Variants in ASTN1 observed in about 807,000 individuals in gnomAD.
ASTN1 encodes the protein astrotactin-1.
ASTN1 carries 41 observed loss-of-function variants against 140.7 expected under a neutral mutation model. The ratio of observed to expected loss-of-function variants is 0.29; its 90% CI spans 0.23 to 0.38. ASTN1 has a LOEUF of 0.38. Among genes scored for constraint, ASTN1 ranks in the 10% least tolerant of loss-of-function variants. The pLI is 1.00. For missense variants in ASTN1, 1,479 were observed against 1,678.8 expected, an observed-to-expected ratio of 0.88 and a Z score of 2.08; for synonymous variants, 640 against 652.2, an observed-to-expected ratio of 0.98 and a Z score of 0.29.
At chr1:177,015,526 T>A (rs1380137807) in intron 7 of ASTN1, among the ~76,000 whole-genome samples, 1 of 152,212 alleles carries the variant, frequency 6.6e-6, no homozygotes, top group African/African-American at 2.4e-5. Flanking sequence ...GTTTTAGCTT[T>A]TAAGTAAAAA....
At chr1:177,123,859 A>G (rs761741494) in intron 1 of ASTN1, among the ~76,000 whole-genome samples, 21 of 152,228 alleles carry the variant, frequency 1.4e-4, no homozygotes, top group Non-Finnish European at 5.9e-5. Flanking sequence ...CCCAGGCAGG[A>G]AGCCGAATTC....
intron 8 of ASTN1, among the ~76,000 whole-genome samples, chr1:176,973,798 C>T (rs1055568023): frequency 6.6e-6 from 1 of 152,308 alleles, no homozygotes; most frequent in East Asian, 1.9e-4. Context: ...AGTAATTAGG[C>T]ATGAACAGTT....
In ASTN1 at chr1:177,095,799, C is replaced by T. The variant is rs141716523; in HGVS notation, c.284-34534G>A. Among the ~76,000 whole-genome samples, 747 of 152,280 alleles carry T rather than the reference C, an allele frequency of 4.9e-3. 13 individuals carry two copies. The highest frequency in any genetic ancestry group is 0.017 in the African/African-American group (700 of 41,566). ...CTATGGGGCAGGGCCACCCTTGCAA[C>T]TCCAGACCAGTAGAGACACTAGATT... On this transcript the variant is annotated intron_variant, in intron 1 of 22. Coordinates refer to ENST00000361833, the MANE Select transcript of ASTN1 (RefSeq NM_004319.3).
intron 16 of ASTN1, among the ~76,000 whole-genome samples, chr1:176,924,241 T>C (rs1670858660): frequency 6.6e-6 from 1 of 152,210 alleles, no homozygotes; most frequent in Non-Finnish European, 1.5e-5. Context: ...AGCAATTATC[T>C]CCTATAGGTC....
At chr1:177,048,160 C>T (rs907798430) in intron 2 of ASTN1, among the ~76,000 whole-genome samples, 1 of 152,158 alleles carries the variant, frequency 6.6e-6, no homozygotes, top group Non-Finnish European at 1.5e-5. Context: ...AAAGGGCGGC[C>T]GCCAGAGGGG....
At chr1:177,033,583 T>C (rs1299642450) in intron 2 of ASTN1, among the ~76,000 whole-genome samples, 7 of 152,144 alleles carry the variant, frequency 4.6e-5, no homozygotes, top group Admixed American at 4.6e-4. Flanking sequence ...TACCACCAAG[T>C]GTGGGGAGGA....
intron 5 of ASTN1, 91 bp downstream of exon 5, chr1:177,029,543 G>T: frequency 7.5e-7 from 1 of 1,328,096 alleles, no homozygotes; most frequent in Non-Finnish European, 1.1e-6. Context: ...GTTCCATAGA[G>T]CCCACAACCC....
chr1:176,857,617 A>G (rs373621637), downstream of ASTN1: 4 of 620,414 alleles, frequency 6.4e-6, no homozygotes, highest in African/African-American at 1.9e-5. Context: ...CCAATCATCT[A>G]CAACTCCTCT....
chr1:176,876,713 G>A, intron 20 of ASTN1, 76 bp from the exon 21 acceptor site: 1 of 1,408,656 alleles, frequency 7.1e-7, no homozygotes, highest in Admixed American at 1.9e-5. Flanking sequence ...CTAGCTCATG[G>A]CCCAGCTCTG....
At chr1:176,937,156 T>C (rs1184049690) in intron 14 of ASTN1, among the ~76,000 whole-genome samples, 1 of 152,200 alleles carries the variant, frequency 6.6e-6, no homozygotes, top group Non-Finnish European at 1.5e-5. Flanking sequence ...CTCTCTTTAA[T>C]GGTTGCAGTA....
intron 17 of ASTN1, among the ~76,000 whole-genome samples, chr1:176,889,760 G>C (rs1230577631): frequency 6.6e-6 from 1 of 152,158 alleles, no homozygotes; most frequent in African/African-American, 2.4e-5. Flanking sequence ...TGGTTATCAT[G>C]ATTTACAGTG....
Position 176,944,010 on chromosome 1 carries a change from T to C in ASTN1, c.2258A>G (p.Asn753Ser). The C allele has an allele frequency of 1.9e-6, 3 of 1,613,812 alleles. No homozygotes were observed. Among genetic ancestry groups the C allele is most frequent in the Non-Finnish European group, 2.5e-6 (3 of 1,179,934 alleles). Reference sequence around the variant, plus strand: ...TTGCTGGTCTAAACCACGAGCAAAGTTGTTTTGCCTAGAAAGAGGGTAGAC... The same window carrying C: ...TTGCTGGTCTAAACCACGAGCAAAGCTGTTTTGCCTAGAAAGAGGGTAGAC... ...QVLKGTFRQNNFARGLDQQLP... is the reference protein window; with the variant it reads ...QVLKGTFRQNSFARGLDQQLP... Residue 753 changes from asparagine (N) to serine (S), a missense_variant, in exon 14 of 23, where the codon AAC becomes AGC. Transcript: ENST00000361833.
intron 2 of ASTN1, among the ~76,000 whole-genome samples, chr1:177,046,516 C>T (rs910312017): frequency 2.5e-4 from 38 of 152,264 alleles, no homozygotes; most frequent in African/African-American, 8.4e-4. Context: ...CCTGGACATT[C>T]GGGCTCTGGG....
intron 8 of ASTN1, among the ~76,000 whole-genome samples, chr1:176,985,684 T>C (rs1224728306): frequency 6.6e-6 from 1 of 152,146 alleles, no homozygotes; most frequent in African/African-American, 2.4e-5. Flanking sequence ...CAGTCCCAGA[T>C]GCTAAAAGCC....
intron 8 of ASTN1, among the ~76,000 whole-genome samples, chr1:176,980,124 G>T (rs765759159): frequency 2.0e-5 from 3 of 152,148 alleles, no homozygotes; most frequent in Non-Finnish European, 4.4e-5. Flanking sequence ...GTGGCTGACT[G>T]GGGGGCAAAG....
At chr1:176,967,216 C>T (rs1352399079) in intron 8 of ASTN1, among the ~76,000 whole-genome samples, 2 of 152,122 alleles carry the variant, frequency 1.3e-5, no homozygotes, top group African/African-American at 4.8e-5. Flanking sequence ...CTGTGAATAA[C>T]TCTTGCATCA....
At chr1:176,997,893 A>T (rs1336198834) in intron 8 of ASTN1, among the ~76,000 whole-genome samples, 1 of 152,120 alleles carries the variant, frequency 6.6e-6, no homozygotes, top group Non-Finnish European at 1.5e-5. Flanking sequence ...AGAATTAACC[A>T]GGTAGGGTAT....
chr1:177,041,487 C>T (rs919923046), intron 2 of ASTN1, among the ~76,000 whole-genome samples: 1 of 152,212 alleles, frequency 6.6e-6, no homozygotes. Context: ...ATGAGACAGG[C>T]TCCCTCCATG....
chr1:177,134,001 C>T (rs756468829), intron 1 of ASTN1, among the ~76,000 whole-genome samples: 2 of 152,216 alleles, frequency 1.3e-5, no homozygotes, highest in African/African-American at 2.4e-5. Flanking sequence ...ACAGTAGTCA[C>T]CCAGGGAATG....
Sources: allele counts gnomAD v4.1 joint callset (sites outside exome capture counted in the v4.1 genomes callset), GRCh38; gene constraint gnomAD v4.1.1; transcripts MANE v1.5; gene names NCBI Gene and HGNC (gene_info 2026-07-23, HGNC 2026-07-21).